The following C12orf76 variants were observed in gnomAD, a reference collection of about 807,000 sequenced individuals.
C12orf76 encodes the protein chromosome 12 open reading frame 76.
In C12orf76, 6 loss-of-function variants were observed where a neutral mutation model predicts 6.8. The observed-to-expected ratio is 0.88, with a 90% confidence interval of 0.48 to 1.73. C12orf76 has a LOEUF of 1.73. Among genes scored for constraint, C12orf76 ranks in the 40% most tolerant of loss-of-function variants. The pLI, the probability that C12orf76 is intolerant of heterozygous loss-of-function variation, is 0.01. For synonymous variants in C12orf76, 56 were observed against 43.7 expected (o/e 1.28, Z -1.11); for missense variants, 99 against 98.2 (o/e 1.01, Z -0.03).
chr12:110,059,723 T>C (rs1284415729), intron 2 of C12orf76, among the ~76,000 whole-genome samples: 3 of 152,208 alleles, frequency 2.0e-5, no homozygotes, highest in Non-Finnish European at 4.4e-5. Flanking sequence ...CGGTGTGAAC[T>C]TGGTTGAGAC....
chr12:110,061,535 CT>C lies in C12orf76; in HGVS notation n.381-2373del, dbSNP rs111551192. On this transcript the variant is annotated intron_variant and non_coding_transcript_variant, in intron 2 of 4. Coordinates refer to the C12orf76 transcript ENST00000309050. The stretch of plus-strand genomic sequence containing the variant: ...CACTCTCTATACTGCACACTGCATA[CT>C]TTTTTTTTTTTTTTTCTTGAAACGG... Among the ~76,000 whole-genome samples, 1,221 of 142,674 alleles carry C rather than the reference CT, an allele frequency of 8.6e-3. 3 individuals are homozygous for C. The highest frequency in any genetic ancestry group is 0.014 in the African/African-American group (559 of 39,266). 93.6% of individuals were successfully genotyped at this position (142,674 alleles called of 152,430 possible).
chr12:110,051,812 A>C (rs1746896691), upstream of C12orf76, among the ~76,000 whole-genome samples: 1 of 151,586 alleles, frequency 6.6e-6, no homozygotes, highest in African/African-American at 2.4e-5. Context: ...CAGTGGGTTC[A>C]CCAGCTTGCA....
rs1593248286 is a variant in C12orf76 at position 110,057,372 on chromosome 12, GA to G, written n.557-77del. ...ACTGCCCTCATATCCCTTACCTCAT[GA>G]CTAACCCAGGGCCAACAGACATCTT... On this transcript the variant is annotated intron_variant and non_coding_transcript_variant, in intron 3 of 4. Coordinates refer to the C12orf76 transcript ENST00000309050. The G allele has an allele frequency of 8.7e-6, 8 of 922,710 alleles. No homozygotes were observed. The East Asian group carries it at 2.0e-4, about 23-fold the overall frequency. 57.2% of individuals were successfully genotyped at this position (922,710 alleles called of 1,614,324 possible).
upstream of C12orf76, chr12:110,048,540 C>G (rs1478787275): frequency 7.3e-7 from 1 of 1,374,032 alleles, no homozygotes; most frequent in Admixed American, 3.4e-5. Context: ...CCGTCGCAAG[C>G]CCTGCCTCTG....
upstream of C12orf76, chr12:110,051,436 T>TC: frequency 1.7e-6 from 1 of 595,888 alleles, no homozygotes. Flanking sequence ...CAATCTCATT[T>TC]TTTTTTTTTA....
chr12:110,050,931 A>T, upstream of C12orf76: 2 of 686,986 alleles, frequency 2.9e-6, no homozygotes, highest in Non-Finnish European at 5.3e-6. Flanking sequence ...ACTATAGTGC[A>T]GAAACCTGAC....
At chr12:110,057,882 G>C (rs1306391642) in intron 3 of C12orf76, among the ~76,000 whole-genome samples, 2 of 151,762 alleles carry the variant, frequency 1.3e-5, no homozygotes. Flanking sequence ...TGCCCAACAT[G>C]GCAAAACCCC....
chr12:110,050,945 A>T, upstream of C12orf76: 1 of 707,102 alleles, frequency 1.4e-6, no homozygotes, highest in Non-Finnish European at 2.6e-6. Context: ...ACCTGACCCA[A>T]TGGCTACCTT....
upstream of C12orf76, among the ~76,000 whole-genome samples, chr12:110,071,994 A>G (rs181276097): frequency 6.6e-6 from 1 of 152,362 alleles, no homozygotes; most frequent in Admixed American, 6.5e-5. Context: ...ATATCCACAT[A>G]AAACCTTGTT....
chr12:110,068,315 AG>A (rs1892913777), upstream of C12orf76, among the ~76,000 whole-genome samples: 1 of 144,602 alleles, frequency 6.9e-6, no homozygotes. Flanking sequence ...AAGAAGAAGA[AG>A]AAGAAGAAGA....
chr12:110,066,080 A>G, intron 1 of C12orf76: 2 of 1,458,152 alleles, frequency 1.4e-6, no homozygotes, highest in Non-Finnish European at 1.8e-6. Flanking sequence ...TCATGTTTCT[A>G]TTTCCCCGAA....
upstream of C12orf76, among the ~76,000 whole-genome samples, chr12:110,072,496 G>GTT (rs1218170192): frequency 9.6e-5 from 14 of 145,432 alleles, no homozygotes; most frequent in Non-Finnish European, 1.5e-5. Context: ...GGTTTTTTTT[G>GTT]TTTTTTTTTT....
At chr12:110,046,530 C>T (rs986824306) in intron 1 of C12orf76, among the ~76,000 whole-genome samples, 3 of 152,250 alleles carry the variant, frequency 2.0e-5, no homozygotes, top group South Asian at 2.1e-4. Flanking sequence ...CTGTCCCAGA[C>T]CACTACATAG....
intron 3 of C12orf76, among the ~76,000 whole-genome samples, chr12:110,057,891 C>G (rs906421040): frequency 1.3e-5 from 2 of 151,786 alleles, no homozygotes. Flanking sequence ...TGGCAAAACC[C>G]CGTCTTTACT....
At position 110,048,420 on chromosome 12, in the gene C12orf76, G is replaced by A; in HGVS notation, c.76C>T (p.Pro26Ser). 6.6e-7 allele frequency: 1 copy of A among 1,515,428 alleles called. No individual in the cohort carries two copies. Among genetic ancestry groups the A allele is most frequent in the Non-Finnish European group, 8.8e-7 (1 of 1,136,732 alleles). The allele number at this position is 1,515,428 out of a possible 1,614,324, so 93.9% of individuals were successfully genotyped here. A position where few individuals can be genotyped will look rare whatever the true frequency, so the allele number is the denominator to read the frequency against. Residue 26 changes from proline to serine, a missense_variant, in exon 1 of 2, where the codon CCC becomes TCC. Transcript: ENST00000615315. ...CGGCTCCGCTCCAGCGGATCCACGG[G>A]GCTCGGGGCCTCTGCCTCCCCCACC... The part of the protein sequence containing the change: ...LLVGEAEAPS[P>S]VDPLERSRPY...
chr12:110,071,244 C>G (rs1892957099), upstream of C12orf76, among the ~76,000 whole-genome samples: 1 of 152,082 alleles, frequency 6.6e-6, no homozygotes, highest in Non-Finnish European at 1.5e-5. Flanking sequence ...TTTAATATTC[C>G]TAACAATTCT....
chr12:110,057,445 C>A (rs767987846), intron 3 of C12orf76: 7 of 624,236 alleles, frequency 1.1e-5, no homozygotes, highest in South Asian at 5.8e-5. Context: ...GCCTGCAGTG[C>A]GGCACGGAGA....
rs561155291 is a variant in C12orf76, at chr12:110,054,808, C to T, written n.664+2381G>A. Among the ~76,000 whole-genome samples the T allele has an allele frequency of 1.1e-4, 17 of 152,292 alleles. No individual in the cohort carries two copies. The South Asian group carries it at 2.3e-3, about 20-fold the overall frequency. ...ATGACAAATGTCAAATTCAGGATTT[C>T]GTTTAGAGATGGAGTCTTGCTGTGT... On this transcript the variant is annotated intron_variant and non_coding_transcript_variant, in intron 4 of 4. Coordinates refer to the C12orf76 transcript ENST00000309050. The surrounding 1 kb of genome is among the most constrained non-coding windows in gnomAD (Gnocchi z 4.4).
exon 4 of C12orf76, chr12:110,057,211 G>A (rs1442082564): frequency 3.1e-6 from 5 of 1,612,772 alleles, no homozygotes; most frequent in Non-Finnish European, 4.2e-6. Context: ...GGTAGGATGG[G>A]CCCCATGCCA....
Sources: gnomAD v4.1 joint callset for allele counts (sites outside exome capture counted in the v4.1 genomes callset) on GRCh38, gnomAD v4.1.1 for gene constraint, Gnocchi (gnomAD v3.1) non-coding constraint, MANE v1.5 for transcripts, NCBI Gene and HGNC (gene_info 2026-07-23, HGNC 2026-07-21) for gene names.